The following ZFPM2 variants were observed in gnomAD, a reference collection of about 807,000 sequenced individuals.
The protein encoded by ZFPM2 is zinc finger protein, FOG family member 2, also known as zinc finger protein ZFPM2.
Under a neutral mutation model 98.6 loss-of-function variants are expected in ZFPM2, and 20 were observed. That is an observed-to-expected ratio of 0.20 (90% confidence interval 0.14 to 0.29). The LOEUF is 0.29. Among genes scored for constraint, ZFPM2 ranks in the 10% least tolerant of loss-of-function variants. The pLI is 1.00. For missense variants in ZFPM2, 1,310 were observed against 1,388.6 expected, an observed-to-expected ratio of 0.94 and a Z score of 0.90; for synonymous variants, 518 against 502.7, an observed-to-expected ratio of 1.03 and a Z score of -0.41.
rs541659494 is a variant in ZFPM2, at chr8:105,378,363, A to G, written c.41-40781A>G. ...CATTTTTTTCTTATGAAAACTTACG[A>G]TATTTCCAACCCGGAGCCATCACTC... On this transcript the variant is annotated intron_variant, in intron 1 of 7. Coordinates refer to ENST00000407775, the MANE Select transcript of ZFPM2 (RefSeq NM_012082.4). Among the ~76,000 whole-genome samples, 5 of 152,284 alleles carry G rather than the reference A, an allele frequency of 3.3e-5. No individual in the cohort carries two copies. In the East Asian group the frequency reaches 9.7e-4, roughly 29 times the overall value.
At chr8:105,477,575 C>G (rs1209871510) in intron 3 of ZFPM2, among the ~76,000 whole-genome samples, 1 of 151,954 alleles carries the variant, frequency 6.6e-6, no homozygotes, top group African/African-American at 2.4e-5. Flanking sequence ...TATTTTAAAG[C>G]TATCCACCAT....
chr8:105,682,636 A>G (rs548537571), intron 5 of ZFPM2, among the ~76,000 whole-genome samples: 1 of 152,258 alleles, frequency 6.6e-6, no homozygotes, highest in South Asian at 2.1e-4. Context: ...GAACGGAAAT[A>G]AGTTAGAAAA....
At chr8:105,404,808 A>G (rs1000674384) in intron 1 of ZFPM2, among the ~76,000 whole-genome samples, 5 of 152,080 alleles carry the variant, frequency 3.3e-5, no homozygotes, top group Non-Finnish European at 7.4e-5. Flanking sequence ...GCTCATAAAA[A>G]CATCAGATAT....
chr8:105,644,792 T>C (rs1387065625), intron 5 of ZFPM2, among the ~76,000 whole-genome samples: 1 of 152,170 alleles, frequency 6.6e-6, no homozygotes, highest in Non-Finnish European at 1.5e-5. Flanking sequence ...CAGTGGGAGC[T>C]AAGGAGATCT....
intron 3 of ZFPM2, among the ~76,000 whole-genome samples, chr8:105,505,947 T>TTA (rs1813690106): frequency 4.6e-5 from 7 of 151,974 alleles, no homozygotes; most frequent in Admixed American, 3.3e-4. Flanking sequence ...ACTCTTTTTT[T>TTA]AACAATGATA....
At position 105,802,419 on chromosome 8, in the gene ZFPM2, G is replaced by A. The variant is rs1248810542; in HGVS notation, c.2337G>A (p.Gly779=). ...CCTCCACTCAAGAACCCACAGAAGG[G>A]CTAGGAGAGTGCTACCACCCAAGAT... is the stretch of plus-strand genomic sequence containing the variant. ...PCTSTQEPTE[G]LGECYHPRCD... is the part of the protein sequence containing the mutation. The change falls in exon 8 of 8, where the codon GGG becomes GGA. Residue 779 remains glycine, a synonymous_variant. Transcript: ENST00000407775. 8 of 1,613,744 alleles carry A rather than the reference G, an allele frequency of 5.0e-6. No homozygotes were observed. Among genetic ancestry groups the A allele is most frequent in the South Asian group, 1.1e-5 (1 of 91,072 alleles).
chr8:105,646,674 A>G (rs184040504), intron 5 of ZFPM2, among the ~76,000 whole-genome samples: 3 of 152,280 alleles, frequency 2.0e-5, no homozygotes, highest in East Asian at 1.9e-4. Flanking sequence ...GAGGTCCCCA[A>G]ATAACTGTGT....
intron 5 of ZFPM2, among the ~76,000 whole-genome samples, chr8:105,714,103 T>A (rs1350658267): frequency 6.6e-6 from 1 of 152,126 alleles, no homozygotes; most frequent in Non-Finnish European, 1.5e-5. Flanking sequence ...TGGAATGTTT[T>A]TCCATATGTT....
intron 1 of ZFPM2, among the ~76,000 whole-genome samples, chr8:105,376,594 A>G (rs904468013): frequency 1.3e-5 from 2 of 152,146 alleles, no homozygotes; most frequent in African/African-American, 4.8e-5. Context: ...TTCCTCTTCA[A>G]TTGTTTCATC....
At chr8:105,789,030 G>C (rs769704544) in intron 6 of ZFPM2, 106 bp downstream of exon 6, 1 of 858,792 alleles carries the variant, frequency 1.2e-6, no homozygotes, top group Non-Finnish European at 1.7e-6. Context: ...TTCCTTCAGT[G>C]TTGTGGTTTC....
At chr8:105,375,449 C>T (rs1215162531) in intron 1 of ZFPM2, among the ~76,000 whole-genome samples, 1 of 152,144 alleles carries the variant, frequency 6.6e-6, no homozygotes, top group African/African-American at 2.4e-5. Context: ...AGTGGGACCA[C>T]AGCAGGTGAA....
intron 5 of ZFPM2, among the ~76,000 whole-genome samples, chr8:105,783,787 A>G (rs990448325): frequency 3.9e-5 from 6 of 152,076 alleles, no homozygotes; most frequent in South Asian, 2.1e-4. Context: ...TCCTCTATCA[A>G]TGGATACTTC....
intron 4 of ZFPM2, among the ~76,000 whole-genome samples, chr8:105,563,543 G>A (rs1281144028): frequency 6.6e-6 from 1 of 152,112 alleles, no homozygotes. Flanking sequence ...AAAGAGATTT[G>A]TGATGTAGCC....
At chr8:105,358,127 T>A (rs113245721) in intron 1 of ZFPM2, among the ~76,000 whole-genome samples, 1 of 152,160 alleles carries the variant, frequency 6.6e-6, no homozygotes, top group Non-Finnish European at 1.5e-5. Context: ...AAAATTAATT[T>A]TGTGAAGCTG....
At chr8:105,401,860 G>A (rs577546399) in intron 1 of ZFPM2, among the ~76,000 whole-genome samples, 1 of 152,074 alleles carries the variant, frequency 6.6e-6, no homozygotes, top group Non-Finnish European at 1.5e-5. Flanking sequence ...ATTGAGCTTT[G>A]GAATTCCTGT....
At chr8:105,497,648 T>C (rs764373163) in intron 3 of ZFPM2, among the ~76,000 whole-genome samples, 16 of 152,166 alleles carry the variant, frequency 1.1e-4, no homozygotes, top group Non-Finnish European at 2.2e-4. Flanking sequence ...AAGAATTAGC[T>C]TTTTTACTTC....
At chr8:105,355,948 T>C (rs1264116226) in intron 1 of ZFPM2, among the ~76,000 whole-genome samples, 1 of 152,220 alleles carries the variant, frequency 6.6e-6, no homozygotes, top group Non-Finnish European at 1.5e-5. Context: ...ACTGAAAGTA[T>C]AATACTGGGA....
intron 5 of ZFPM2, among the ~76,000 whole-genome samples, chr8:105,636,427 A>G (rs758127051): frequency 1.3e-5 from 2 of 152,172 alleles, no homozygotes; most frequent in Non-Finnish European, 2.9e-5. Flanking sequence ...TTTATTGGGC[A>G]CACCTTGAAT....
chr8:105,792,931 T>C (rs1042434541), intron 6 of ZFPM2, among the ~76,000 whole-genome samples: 2 of 152,298 alleles, frequency 1.3e-5, no homozygotes, highest in Non-Finnish European at 2.9e-5. Flanking sequence ...TGTTTTCCAT[T>C]TGCTTGGTAG....
Sources: allele counts gnomAD v4.1 joint callset (sites outside exome capture counted in the v4.1 genomes callset), GRCh38; gene constraint gnomAD v4.1.1; transcripts MANE v1.5; gene names NCBI Gene and HGNC (gene_info 2026-07-23, HGNC 2026-07-21).